The following FARS2 variants were observed in gnomAD, a reference collection of about 807,000 sequenced individuals.
The protein encoded by FARS2 is phenylalanyl-tRNA synthetase 2, mitochondrial, also known as phenylalanine--tRNA ligase, mitochondrial.
In FARS2, 40 loss-of-function variants were observed where a neutral mutation model predicts 46.4. The ratio of observed to expected loss-of-function variants is 0.86; its 90% confidence interval spans 0.67 to 1.12. The LOEUF is 1.12. Among genes scored for constraint, FARS2 ranks in the 50% most tolerant of loss-of-function variants. FARS2 has a pLI of 0.00. For missense variants in FARS2, 513 were observed against 567.9 expected (o/e 0.90, Z 0.98); for synonymous variants, 234 against 214.9 (o/e 1.09, Z -0.78).
upstream of FARS2, among the ~76,000 whole-genome samples, chr6:5,257,789 G>A (rs890326926): frequency 1.2e-4 from 18 of 152,310 alleles, no homozygotes; most frequent in African/African-American, 4.3e-4. Context: ...CCGGTCCATG[G>A]AAAAACTGTC....
chr6:5,598,743 AAAGGACC>A (rs368852112), intron 5 of FARS2, among the ~76,000 whole-genome samples: 199 of 152,286 alleles, frequency 1.3e-3, no homozygotes, highest in Non-Finnish European at 1.9e-3. Flanking sequence ...ATCTGGCCCC[AAAGGACC>A]ACTAGACCAG....
intron 5 of FARS2, among the ~76,000 whole-genome samples, chr6:5,598,370 G>A (rs1774322087): frequency 3.3e-5 from 5 of 152,196 alleles, no homozygotes; most frequent in Admixed American, 3.3e-4. Flanking sequence ...GCAACAGAGG[G>A]AGACCTTGTC....
intron 1 of FARS2, among the ~76,000 whole-genome samples, chr6:5,323,301 A>G (rs563315617): frequency 3.1e-4 from 47 of 152,312 alleles, no homozygotes; most frequent in African/African-American, 1.1e-3. Flanking sequence ...TATTTTAAAG[A>G]CCGACTGGGT....
intron 4 of FARS2, chr6:5,451,885 G>A (rs181826928): frequency 2.6e-5 from 4 of 152,246 alleles, no homozygotes; most frequent in African/African-American, 7.2e-5. Context: ...TGCAAAGTCC[G>A]ACAACTCATT....
intron 4 of FARS2, among the ~76,000 whole-genome samples, chr6:5,529,301 G>C (rs1359234460): frequency 6.6e-6 from 1 of 152,092 alleles, no homozygotes; most frequent in Non-Finnish European, 1.5e-5. Context: ...ACAAAAACAA[G>C]TCACAGTAAC....
chr6:5,592,982 C>T (rs574703325), intron 5 of FARS2, among the ~76,000 whole-genome samples: 22 of 152,178 alleles, frequency 1.4e-4, no homozygotes, highest in Non-Finnish European at 2.6e-4. Context: ...AGGCGATCGG[C>T]GCTTCTTCTC....
intron 1 of FARS2, among the ~76,000 whole-genome samples, chr6:5,344,877 C>A (rs535927270): frequency 6.6e-6 from 1 of 151,836 alleles, no homozygotes; most frequent in East Asian, 1.9e-4. Context: ...GCAGCCTCCA[C>A]CTCCTGGGTT....
chr6:5,386,430 G>A (rs1041407977), intron 2 of FARS2, among the ~76,000 whole-genome samples: 1 of 152,128 alleles, frequency 6.6e-6, no homozygotes, highest in Admixed American at 6.5e-5. Flanking sequence ...AAATTTTAAG[G>A]GGCCAGAGTG....
At chr6:5,747,865 G>T (rs1582874249) in intron 6 of FARS2, among the ~76,000 whole-genome samples, 1 of 152,124 alleles carries the variant, frequency 6.6e-6, no homozygotes, top group Non-Finnish European at 1.5e-5. Context: ...CACCCAAGAT[G>T]CTTCTCTTTT....
chr6:5,394,449 C>T (rs764081042), intron 2 of FARS2, among the ~76,000 whole-genome samples: 9 of 152,184 alleles, frequency 5.9e-5, no homozygotes, highest in East Asian at 3.9e-4. Flanking sequence ...TCTAGGTTTG[C>T]GTGACTACAC....
At chr6:5,532,035 A>G (rs1769874060) in intron 4 of FARS2, among the ~76,000 whole-genome samples, 1 of 152,254 alleles carries the variant, frequency 6.6e-6, no homozygotes, top group Non-Finnish European at 1.5e-5. Flanking sequence ...AGTCAAATCT[A>G]GCGTGAAAGT....
At chr6:5,629,983 T>C (rs1345159840) in intron 6 of FARS2, among the ~76,000 whole-genome samples, 3 of 152,062 alleles carry the variant, frequency 2.0e-5, no homozygotes, top group African/African-American at 7.3e-5. Context: ...GTGGAGAAGA[T>C]GATTTAGTGA....
intron 4 of FARS2, among the ~76,000 whole-genome samples, chr6:5,455,048 G>A (rs2552286): frequency 0.72 from 109,865 of 152,084 alleles, 40,007 homozygotes; most frequent in East Asian, 0.91. Context: ...GACCTTGTTG[G>A]TCATAGACTG....
intron 6 of FARS2, among the ~76,000 whole-genome samples, chr6:5,626,549 T>G (rs1311446764): frequency 6.6e-6 from 1 of 152,200 alleles, no homozygotes; most frequent in African/African-American, 2.4e-5. Flanking sequence ...AACTCAGCTT[T>G]GAGCCCCGCC....
At chr6:5,512,813 A>AT (rs1768537481) in intron 4 of FARS2, among the ~76,000 whole-genome samples, 1 of 152,172 alleles carries the variant, frequency 6.6e-6, no homozygotes, top group Non-Finnish European at 1.5e-5. Flanking sequence ...GCTAGGTGTC[A>AT]TTAGTAGGCA....
At chr6:5,750,491 G>A (rs193201877) in intron 6 of FARS2, among the ~76,000 whole-genome samples, 2 of 152,176 alleles carry the variant, frequency 1.3e-5, no homozygotes, top group South Asian at 2.1e-4. Flanking sequence ...TAAACAAGAC[G>A]ACCAGAGAGG....
intron 4 of FARS2, among the ~76,000 whole-genome samples, chr6:5,482,638 GAGAC>G (rs917970898): frequency 4.7e-4 from 71 of 152,236 alleles, no homozygotes; most frequent in African/African-American, 1.6e-3. Flanking sequence ...GAGTCTAGTG[GAGAC>G]AGACAGAGCA....
intron 5 of FARS2, among the ~76,000 whole-genome samples, chr6:5,576,987 T>G (rs1773023964): frequency 6.6e-6 from 1 of 152,132 alleles, no homozygotes; most frequent in Non-Finnish European, 1.5e-5. Context: ...TTGATGGGGC[T>G]AGGTTCTAAG....
At chr6:5,747,900 A>G (rs1320776566) in intron 6 of FARS2, among the ~76,000 whole-genome samples, 2 of 152,206 alleles carry the variant, frequency 1.3e-5, no homozygotes, top group Non-Finnish European at 2.9e-5. Flanking sequence ...TCAGAGATCA[A>G]CTGATCTTAA....
Sources: allele counts gnomAD v4.1 joint callset (sites outside exome capture counted in the v4.1 genomes callset), GRCh38; gene constraint gnomAD v4.1.1; transcripts MANE v1.5; gene names NCBI Gene and HGNC (gene_info 2026-07-23, HGNC 2026-07-21).